The following PIGT variants were observed in gnomAD, a reference collection of about 807,000 sequenced individuals.
PIGT encodes phosphatidylinositol glycan anchor biosynthesis class T.
In PIGT, 57 loss-of-function variants were observed where a neutral mutation model predicts 66.7. That is an observed-to-expected ratio of 0.86 (90% confidence interval 0.69 to 1.07). PIGT has a LOEUF of 1.07. Among genes scored for constraint, PIGT ranks in the 50% least tolerant of loss-of-function variants. The pLI is 0.00. For missense variants in PIGT, 725 were observed against 740.4 expected, an observed-to-expected ratio of 0.98 and a Z score of 0.24; for synonymous variants, 362 against 320.5, an observed-to-expected ratio of 1.13 and a Z score of -1.38.
chr20:45,419,961 C>T (rs1479492421), intron 5 of PIGT, 175 bp from the exon 6 acceptor site: 4 of 616,658 alleles, frequency 6.5e-6, no homozygotes, highest in South Asian at 1.9e-5. Context: ...AACTGATGCA[C>T]ATACAGCTGT....
At chr20:45,424,948 G>A (rs1228690074) in intron 11 of PIGT, 2 of 269,252 alleles carry the variant, frequency 7.4e-6, no homozygotes, top group African/African-American at 2.2e-5. Context: ...GAAGATTCTG[G>A]TCTAGAGAGT....
chr20:45,424,239 C>T lies in PIGT; in HGVS notation c.1258C>T (p.Gln420Ter). The T allele has an allele frequency of 6.2e-7, 1 of 1,614,198 alleles. No homozygotes were observed. ...KPSYIHYQPA[Q>*]DRLQPHLLEM... The stretch of plus-strand genomic sequence containing the variant: ...AGGTTACATCCACTACCAGCCTGCC[C>T]AGGACCGGCTGCAACCCCACCTCCT... The change falls in exon 10 of 12, where the codon CAG (glutamine) becomes TAG (stop). Residue 420 changes from glutamine (Q) to a stop codon, truncating the protein, a stop_gained. Coordinates refer to ENST00000279036, the MANE Select transcript of PIGT (RefSeq NM_015937.6). LOFTEE classifies it high-confidence loss of function.
At position 45,421,561 on chromosome 20, in the gene PIGT, C is replaced by A; in HGVS notation, c.1212C>A (p.Ser404=). The change falls in exon 9 of 12, where the codon TCC becomes TCA. Residue 404 remains serine (S), a synonymous_variant. Transcript: ENST00000279036. The part of the protein sequence containing the change: ...RLYVHTLTIT[S]KGKENKPSYI... ...ATGTGCACACCCTCACCATCACCTC[C>A]AAGGGCAAGGAGAACAAACCAAGTG... 1 of 1,614,136 alleles carries A rather than the reference C, an allele frequency of 6.2e-7. No individual in the cohort carries two copies.
rs538923780 is a variant in PIGT, at chr20:45,424,476, A to G, written c.1401-20A>G. 6.2e-7 allele frequency: 1 copy of G among 1,613,860 alleles called. No homozygotes were observed. The highest frequency in any genetic ancestry group is 1.7e-5 in the Admixed American group (1 of 60,004). On this transcript the variant is annotated intron_variant, in intron 10 of 11. Transcript: ENST00000279036. Reference sequence around the variant, plus strand: ...GGGCAGCCAGATGGGAACACGGGCCATCTCTCTGCTTCTCTGTAGCCCATC... The same window carrying G: ...GGGCAGCCAGATGGGAACACGGGCCGTCTCTCTGCTTCTCTGTAGCCCATC...
At chr20:45,421,026 A>G (rs1304379759) in intron 8 of PIGT, 2 of 507,084 alleles carry the variant, frequency 3.9e-6, no homozygotes, top group East Asian at 6.9e-5. Context: ...GACAGAGGAC[A>G]CTGCACTCAA....
intron 8 of PIGT, chr20:45,421,016 G>T: frequency 1.9e-6 from 1 of 515,594 alleles, no homozygotes; most frequent in South Asian, 2.3e-5. Context: ...TGTTGAATAA[G>T]ACAGAGGACA....
rs1439347650 is a variant in PIGT at position 45,421,427 on chromosome 20, G to C, written c.1078G>C (p.Gly360Arg). The stretch of plus-strand genomic sequence containing the variant: ...CCTGCATGCCCAGCGGTACGTGAGT[G>C]GCTATGGGCTGCAGAAGGGGGAGCT... Reference protein sequence around the residue: ...PFLHAQRYVSGYGLQKGELST... With the variant: ...PFLHAQRYVSRYGLQKGELST... Residue 360 changes from glycine to arginine, a missense_variant, in exon 9 of 12, where the codon GGC (glycine) becomes CGC (arginine). Physicochemically the swap from Gly to Arg is moderately radical, Grantham distance 125. This residue lies in a region of PIGT where 559 missense variants were observed against 552.7 expected (regional missense o/e 1.01). Coordinates refer to ENST00000279036, the MANE Select transcript of PIGT (RefSeq NM_015937.6). 2.5e-6 allele frequency: 4 copies of C among 1,614,066 alleles called. No homozygotes were observed. Among genetic ancestry groups the C allele is most frequent in the Non-Finnish European group, 3.4e-6 (4 of 1,180,030 alleles).
chr20:45,420,253 C>A, intron 6 of PIGT, 30 bp downstream of exon 6: 2 of 1,597,606 alleles, frequency 1.3e-6, no homozygotes, highest in Non-Finnish European at 8.6e-7. Context: ...CATCTGTACC[C>A]ACCCATGCCA....
At chr20:45,421,965 G>A (rs1015917682) in intron 9 of PIGT, 1 of 160,006 alleles carries the variant, frequency 6.2e-6, no homozygotes, top group Non-Finnish European at 1.4e-5. Context: ...CAGAGCTGGA[G>A]TAGATGGTGT....
At chr20:45,419,095 G>C (rs1017919553) in intron 3 of PIGT, 116 bp downstream of exon 3, 15 of 1,348,270 alleles carry the variant, frequency 1.1e-5, no homozygotes, top group Non-Finnish European at 1.6e-5. Context: ...AGTCCCCTGT[G>C]TGTGCAGGCC....
At position 45,418,839 on chromosome 20, in the gene PIGT, T is replaced by C; in HGVS notation, c.366-13T>C. On this transcript the variant is annotated splice_polypyrimidine_tract_variant and intron_variant, in intron 2 of 11. Transcript: ENST00000279036. The stretch of plus-strand genomic sequence containing the variant: ...AGCCCCAGGACAGTGAGTGGATTTG[T>C]GTCTCTATCCAGTGTGGATAAATCT... 2 of 1,613,754 alleles carry C rather than the reference T, an allele frequency of 1.2e-6. No individual in the cohort carries two copies. Among genetic ancestry groups the C allele is most frequent in the Non-Finnish European group, 1.7e-6 (2 of 1,179,726 alleles).
Position 45,424,400 on chromosome 20 carries a change from G to A in PIGT, c.1400+19G>A. ...ATGTCAGGTGGGCTCCACCCCCACAGGCCACCTCTCATCCCCCTGACCTAC... is the reference window on the plus strand; with the variant it reads ...ATGTCAGGTGGGCTCCACCCCCACAAGCCACCTCTCATCCCCCTGACCTAC... On this transcript the variant is annotated intron_variant, in intron 10 of 11. Coordinates refer to ENST00000279036, the MANE Select transcript of PIGT (RefSeq NM_015937.6). The A allele has an allele frequency of 6.2e-7, 1 of 1,613,928 alleles. No individual in the cohort carries two copies. Among genetic ancestry groups the A allele is most frequent in the Non-Finnish European group, 8.5e-7 (1 of 1,179,840 alleles).
At chr20:45,416,960 A>C in intron 2 of PIGT, 1 of 339,880 alleles carries the variant, frequency 2.9e-6, no homozygotes, top group Non-Finnish European at 5.3e-6. Flanking sequence ...GCAGTAGAAA[A>C]CTGGCAACTG....
intron 9 of PIGT, chr20:45,423,851 A>G: frequency 3.8e-6 from 1 of 264,422 alleles, no homozygotes; most frequent in Admixed American, 4.5e-5. Flanking sequence ...GGTTAGATTT[A>G]GAAACCTGAT....
intron 8 of PIGT, 79 bp downstream of exon 8, chr20:45,420,772 G>C: frequency 1.4e-6 from 2 of 1,423,672 alleles, no homozygotes; most frequent in South Asian, 1.2e-5. Context: ...TTTGCCGTTA[G>C]ATGATTGGGT....
At chr20:45,419,467 A>G (rs756384737) in intron 4 of PIGT, 37 bp from the exon 5 acceptor site, 7 of 1,613,248 alleles carry the variant, frequency 4.3e-6, no homozygotes, top group East Asian at 2.2e-5. Context: ...CAAGTGCTCC[A>G]TACAGGGCTT....
intron 11 of PIGT, chr20:45,424,784 G>T (rs1990606044): frequency 8.5e-6 from 5 of 586,222 alleles, no homozygotes; most frequent in Non-Finnish European, 6.1e-6. Flanking sequence ...GCTTCTAGAA[G>T]AATACTTTTA....
In PIGT at chr20:45,420,509, C is replaced by T; in HGVS notation, c.868-19C>T. On this transcript the variant is annotated intron_variant, in intron 7 of 11. Coordinates refer to ENST00000279036, the MANE Select transcript of PIGT (RefSeq NM_015937.6). ...CTACCCTCTCTGCTTGCTTCTTAGCCCTGCCTTTGTGTCCCCAGGACAACG... is the reference window on the plus strand; with the variant it reads ...CTACCCTCTCTGCTTGCTTCTTAGCTCTGCCTTTGTGTCCCCAGGACAACG... 1 of 1,613,640 alleles carries T rather than the reference C, an allele frequency of 6.2e-7. No individual in the cohort carries two copies. Among genetic ancestry groups the T allele is most frequent in the Non-Finnish European group, 8.5e-7 (1 of 1,179,876 alleles).
chr20:45,421,642 C>A, intron 9 of PIGT, 59 bp downstream of exon 9: 2 of 1,384,706 alleles, frequency 1.4e-6, no homozygotes, highest in South Asian at 1.2e-5. Context: ...CTCTCCAGGT[C>A]CCCCAAACTC....
Sources: allele counts gnomAD v4.1 joint callset, GRCh38; gene constraint gnomAD v4.1.1; regional missense constraint gnomAD v4.1.1; transcripts MANE v1.5; gene names NCBI Gene and HGNC (gene_info 2026-07-23, HGNC 2026-07-21).